The following RBFOX1 variants were observed in gnomAD, a reference collection of about 807,000 sequenced individuals.
RBFOX1 encodes RNA binding fox-1 homolog 1.
In RBFOX1, 8 loss-of-function variants were observed where a neutral mutation model predicts 57.7. The observed-to-expected ratio is 0.14, with a 90% CI of 0.08 to 0.25. The LOEUF (loss-of-function observed/expected upper bound fraction) is 0.25. Ranked by LOEUF, RBFOX1 falls within the 10% of genes least tolerant of loss-of-function variation. RBFOX1 has a pLI of 1.00. For synonymous variants in RBFOX1, 326 were observed against 222.4 expected, an observed-to-expected ratio of 1.47 and a Z score of -4.15; for missense variants, 611 against 548.5, an observed-to-expected ratio of 1.11 and a Z score of -1.14.
At chr16:5,561,098 C>A (rs1355639324) in intron 2 of RBFOX1, among the ~76,000 whole-genome samples, 1 of 152,158 alleles carries the variant, frequency 6.6e-6, no homozygotes, top group African/African-American at 2.4e-5. Flanking sequence ...GTCTTCCTCC[C>A]AGTACAACAC....
intron 3 of RBFOX1, among the ~76,000 whole-genome samples, chr16:5,728,630 C>A (rs1294340855): frequency 6.6e-6 from 1 of 152,198 alleles, no homozygotes; most frequent in Non-Finnish European, 1.5e-5. Flanking sequence ...CACATGTGAG[C>A]CCTCTGGGTT....
intron 4 of RBFOX1, among the ~76,000 whole-genome samples, chr16:7,337,056 G>C (rs949310598): frequency 6.6e-6 from 1 of 152,116 alleles, no homozygotes; most frequent in African/African-American, 2.4e-5. Flanking sequence ...CAAAATGCTG[G>C]TGACTCCAAC....
chr16:7,323,164 C>T (rs1002931349), intron 4 of RBFOX1, among the ~76,000 whole-genome samples: 3 of 152,200 alleles, frequency 2.0e-5, no homozygotes, highest in Non-Finnish European at 4.4e-5. Context: ...TGGCTCATGC[C>T]TGTAATGCCA....
At chr16:7,170,517 A>G (rs2080475015) in intron 4 of RBFOX1, among the ~76,000 whole-genome samples, 1 of 152,082 alleles carries the variant, frequency 6.6e-6, no homozygotes. Flanking sequence ...CTCAAGTATG[A>G]GTAGATGGGA....
intron 2 of RBFOX1, among the ~76,000 whole-genome samples, chr16:5,502,217 A>C (rs2043222634): frequency 6.6e-6 from 1 of 152,110 alleles, no homozygotes; most frequent in Middle Eastern, 3.2e-3. Context: ...CTTTGGGCAG[A>C]AGGATTAGAA....
intron 4 of RBFOX1, among the ~76,000 whole-genome samples, chr16:7,322,563 A>T (rs2096559568): frequency 6.6e-6 from 1 of 152,170 alleles, no homozygotes; most frequent in Admixed American, 6.5e-5. Flanking sequence ...CCTTTGGTGA[A>T]TTTCACAAGA....
chr16:5,870,074 G>C (rs1048093826), intron 4 of RBFOX1, among the ~76,000 whole-genome samples: 24 of 150,828 alleles, frequency 1.6e-4, no homozygotes, highest in Non-Finnish European at 1.5e-5. Flanking sequence ...CAGAACAAAA[G>C]AATGTACCCT....
At chr16:7,461,857 C>T (rs2059643738) in intron 4 of RBFOX1, among the ~76,000 whole-genome samples, 2 of 152,158 alleles carry the variant, frequency 1.3e-5, no homozygotes, top group Admixed American at 6.5e-5. Context: ...AGGCATTTTG[C>T]AGTGACTGTG....
At chr16:5,535,763 C>A (rs534878944) in intron 2 of RBFOX1, among the ~76,000 whole-genome samples, 25 of 152,324 alleles carry the variant, frequency 1.6e-4, no homozygotes, top group African/African-American at 4.8e-5. Context: ...GGTATAACAT[C>A]CTCAAGAACT....
chr16:5,771,708 C>G (rs1037915015), intron 3 of RBFOX1, among the ~76,000 whole-genome samples: 6 of 152,298 alleles, frequency 3.9e-5, no homozygotes, highest in Admixed American at 2.6e-4. Flanking sequence ...CACACCCCAC[C>G]AAAAGCATCT....
chr16:6,641,564 G>A (rs1380243294), intron 2 of RBFOX1, among the ~76,000 whole-genome samples: 7 of 151,724 alleles, frequency 4.6e-5, no homozygotes, highest in Admixed American at 2.6e-4. Context: ...GTGAAACCCC[G>A]TCTCTACTAG....
At chr16:6,729,375 T>C (rs951957484) in intron 3 of RBFOX1, among the ~76,000 whole-genome samples, 2 of 152,190 alleles carry the variant, frequency 1.3e-5, no homozygotes, top group Non-Finnish European at 2.9e-5. Context: ...ACTCACTCAT[T>C]AATAAAATAG....
chr16:6,280,480 A>T (rs906524776), intron 1 of RBFOX1, among the ~76,000 whole-genome samples: 1 of 152,150 alleles, frequency 6.6e-6, no homozygotes, highest in Admixed American at 6.5e-5. Flanking sequence ...AAAAAGATTA[A>T]GGGAAGGGGA....
At chr16:7,537,877 T>C (rs193141298) in intron 5 of RBFOX1, among the ~76,000 whole-genome samples, 1 of 152,226 alleles carries the variant, frequency 6.6e-6, no homozygotes, top group African/African-American at 2.4e-5. Flanking sequence ...ACATAATGCA[T>C]GAGGGGAAAT....
At chr16:7,062,163 C>A (rs2054513986) in intron 4 of RBFOX1, among the ~76,000 whole-genome samples, 1 of 151,248 alleles carries the variant, frequency 6.6e-6, no homozygotes, top group Non-Finnish European at 1.5e-5. Flanking sequence ...TAAAAACACA[C>A]AAAAAATTAG....
intron 4 of RBFOX1, among the ~76,000 whole-genome samples, chr16:7,184,754 G>A (rs945077305): frequency 4.6e-5 from 7 of 152,130 alleles, no homozygotes; most frequent in Non-Finnish European, 8.8e-5. Context: ...TAGAACTTGA[G>A]CTTTTCAAGT....
intron 1 of RBFOX1, among the ~76,000 whole-genome samples, chr16:5,317,915 A>G (rs1338890279): frequency 6.6e-6 from 1 of 152,054 alleles, no homozygotes; most frequent in Non-Finnish European, 1.5e-5. Context: ...TCTATATCCT[A>G]AGCAATAACT....
intron 1 of RBFOX1, among the ~76,000 whole-genome samples, chr16:6,225,504 A>T (rs2097409716): frequency 6.6e-6 from 1 of 152,194 alleles, no homozygotes; most frequent in South Asian, 2.1e-4. Flanking sequence ...TATATTAGAT[A>T]ACTGCTCATT....
chr16:6,582,940 C>T (rs980452798), intron 2 of RBFOX1, among the ~76,000 whole-genome samples: 1 of 151,906 alleles, frequency 6.6e-6, no homozygotes, highest in Admixed American at 6.6e-5. Flanking sequence ...CTCCCCTCCC[C>T]TCCTCTTTTC....
Sources: gnomAD v4.1 joint callset for allele counts (sites outside exome capture counted in the v4.1 genomes callset) on GRCh38, gnomAD v4.1.1 for gene constraint, MANE v1.5 for transcripts, NCBI Gene and HGNC (gene_info 2026-07-23, HGNC 2026-07-21) for gene names.